TRPM1: variants seen among roughly 807,000 people sequenced by gnomAD.
The protein encoded by TRPM1 is transient receptor potential cation channel subfamily M member 1.
A neutral mutation model predicts 149.4 loss-of-function variants in TRPM1; 113 were observed. The ratio of observed to expected loss-of-function variants is 0.76; its 90% CI spans 0.65 to 0.88. The LOEUF is 0.88. Among genes scored for constraint, TRPM1 ranks in the 40% least tolerant of loss-of-function variants. TRPM1 has a pLI of 0.00. For synonymous variants in TRPM1, 741 were observed against 759.5 expected, an observed-to-expected ratio of 0.98 and a Z score of 0.40; for missense variants, 1,976 against 2,038.7, an observed-to-expected ratio of 0.97 and a Z score of 0.59.
chr15:31,114,393 C>A (rs1445628359), intron 1 of TRPM1, among the ~76,000 whole-genome samples: 1 of 152,106 alleles, frequency 6.6e-6, no homozygotes, highest in Non-Finnish European at 1.5e-5. Context: ...TGTATATGTA[C>A]CACATGTTTT....
intron 1 of TRPM1, among the ~76,000 whole-genome samples, chr15:31,113,686 A>G (rs775544513): frequency 6.6e-6 from 1 of 152,182 alleles, no homozygotes; most frequent in Non-Finnish European, 1.5e-5. Context: ...TTTTAAGACT[A>G]CTGTGCCCAT....
intron 11 of TRPM1, among the ~76,000 whole-genome samples, chr15:31,050,848 G>A (rs1175130294): frequency 1.3e-5 from 2 of 152,172 alleles, no homozygotes; most frequent in East Asian, 1.9e-4. Flanking sequence ...ACTGTTACTC[G>A]TGTGCACAAA....
chr15:31,042,057 T>C lies in TRPM1; in HGVS notation c.1981A>G (p.Met661Val), dbSNP rs1338421671. Residue 661 changes from methionine (M) to valine (V), a missense_variant, in exon 17 of 28, where the codon ATG (methionine) becomes GTG (valine). By Grantham distance (21) the Met-to-Val change is conservative (BLOSUM62 1). Around this residue, in one of 3 missense-constraint regions of TRPM1, gnomAD observed 1,332 missense variants for 1,347.1 expected, o/e 0.99. Coordinates refer to ENST00000256552, the MANE Select transcript of TRPM1 (RefSeq NM_001252024.2). Reference sequence around the variant, plus strand: ...TTGCAGGCCACCAGGGCCTTGGCCATGCTCTCTTCCCCTCGCTGCCAGAGG... The same window carrying C: ...TTGCAGGCCACCAGGGCCTTGGCCACGCTCTCTTCCCCTCGCTGCCAGAGG... ...VFLWQRGEESMAKALVACKLY... is the reference protein window; with the variant it reads ...VFLWQRGEESVAKALVACKLY... 1.2e-6 allele frequency: 2 copies of C among 1,614,004 alleles called. No homozygotes were observed. Among genetic ancestry groups the C allele is most frequent in the Non-Finnish European group, 1.7e-6 (2 of 1,179,962 alleles).
At chr15:31,036,269 TAAG>T (rs556358487) in intron 20 of TRPM1, among the ~76,000 whole-genome samples, 1 of 151,946 alleles carries the variant, frequency 6.6e-6, no homozygotes, top group South Asian at 2.1e-4. Context: ...AGCGGGGAGT[TAAG>T]GGGTTGGGGG....
chr15:31,094,582 A>G (rs2035327756), intron 1 of TRPM1, among the ~76,000 whole-genome samples: 1 of 152,260 alleles, frequency 6.6e-6, no homozygotes, highest in African/African-American at 2.4e-5. Flanking sequence ...TCCAATGAAG[A>G]TATACAAATG....
At chr15:31,048,475 A>G (rs1265842591) in intron 13 of TRPM1, among the ~76,000 whole-genome samples, 1 of 152,134 alleles carries the variant, frequency 6.6e-6, no homozygotes, top group African/African-American at 2.4e-5. Context: ...TTAAAAGAGT[A>G]TCTTAAGGTG....
At chr15:31,113,884 G>C (rs1262897007) in intron 1 of TRPM1, among the ~76,000 whole-genome samples, 1 of 152,178 alleles carries the variant, frequency 6.6e-6, no homozygotes, top group East Asian at 1.9e-4. Flanking sequence ...CGAGCAAATT[G>C]ACTTTGCTGG....
At chr15:31,012,165 A>C (rs1447474303) in intron 27 of TRPM1, among the ~76,000 whole-genome samples, 1 of 152,220 alleles carries the variant, frequency 6.6e-6, no homozygotes, top group African/African-American at 2.4e-5. Context: ...AAATACATTT[A>C]TAATGCCTTT....
chr15:31,025,561 G>T (rs1164157841), intron 27 of TRPM1, among the ~76,000 whole-genome samples: 1 of 152,198 alleles, frequency 6.6e-6, no homozygotes, highest in Non-Finnish European at 1.5e-5. Context: ...GGGTACTGCG[G>T]ATGTGAAGGT....
chr15:31,113,272 A>C (rs1013852708), intron 1 of TRPM1, among the ~76,000 whole-genome samples: 52 of 152,300 alleles, frequency 3.4e-4, no homozygotes, highest in African/African-American at 1.2e-3. Flanking sequence ...AGGACCCCTG[A>C]TTCTGCCTGC....
At chr15:31,128,479 A>G (rs987772913) in intron 1 of TRPM1, among the ~76,000 whole-genome samples, 2 of 152,176 alleles carry the variant, frequency 1.3e-5, no homozygotes, top group African/African-American at 4.8e-5. Flanking sequence ...TGCACACCCC[A>G]TATCGCCAGG....
chr15:31,057,109 G>T (rs145474067), intron 11 of TRPM1, among the ~76,000 whole-genome samples: 35 of 152,302 alleles, frequency 2.3e-4, no homozygotes, highest in South Asian at 1.0e-3. Flanking sequence ...GGCATTGAGA[G>T]CATCCAGGGA....
In TRPM1 at chr15:31,001,843, A is replaced by G. The variant is rs766309006; in HGVS notation, c.4857T>C (p.Ala1619=). ...CAGACTAGCATTCAGTTTCTGTGGA[A>G]GCTTTCTCTTTCTTAACCTTTTTTT... The part of the protein sequence containing the change: ...AEEKKVKKEK[A]STETEC Residue 1619 remains alanine (A), a synonymous_variant, in exon 28 of 28, where the codon GCT becomes GCC. Transcript: ENST00000256552. 1.2e-6 allele frequency: 2 copies of G among 1,611,954 alleles called. No homozygotes were observed. Among genetic ancestry groups the G allele is most frequent in the Non-Finnish European group, 1.7e-6 (2 of 1,179,822 alleles).
At chr15:31,154,758 T>A (rs1437374792) in intron 1 of TRPM1, among the ~76,000 whole-genome samples, 3 of 152,118 alleles carry the variant, frequency 2.0e-5, no homozygotes, top group Admixed American at 6.5e-5. Flanking sequence ...GTGCTTGAGA[T>A]ATTTTGCAGA....
chr15:31,063,387 T>C, intron 7 of TRPM1, 95 bp from the exon 8 acceptor site: 2 of 1,489,124 alleles, frequency 1.3e-6, no homozygotes, highest in Non-Finnish European at 1.9e-6. Flanking sequence ...GTAAAAACAT[T>C]ACGACTTGGG....
chr15:31,073,195 G>T (rs1037446541), intron 3 of TRPM1, among the ~76,000 whole-genome samples: 1 of 152,094 alleles, frequency 6.6e-6, no homozygotes, highest in Non-Finnish European at 1.5e-5. Flanking sequence ...ATGAGGTAAG[G>T]GTCCAAGACT....
chr15:31,077,196 C>A (rs1184534022), intron 2 of TRPM1, among the ~76,000 whole-genome samples: 1 of 152,142 alleles, frequency 6.6e-6, no homozygotes, highest in African/African-American at 2.4e-5. Flanking sequence ...TCATTTTGCA[C>A]CTTAATTCAT....
chr15:31,022,950 A>G (rs1209860242), intron 27 of TRPM1, among the ~76,000 whole-genome samples: 1 of 152,220 alleles, frequency 6.6e-6, no homozygotes, highest in African/African-American at 2.4e-5. Flanking sequence ...TGAGTCCAGG[A>G]GGTTGAGGCT....
At chr15:31,035,434 C>G in intron 21 of TRPM1, 112 bp downstream of exon 21, 3 of 1,484,062 alleles carry the variant, frequency 2.0e-6, no homozygotes, top group Non-Finnish European at 2.8e-6. Context: ...GCATGAGCCA[C>G]CACGCCTGGC....
Sources: allele counts gnomAD v4.1 joint callset (sites outside exome capture counted in the v4.1 genomes callset), GRCh38; gene constraint gnomAD v4.1.1; regional missense constraint gnomAD v4.1.1; transcripts MANE v1.5; gene names NCBI Gene and HGNC (gene_info 2026-07-23, HGNC 2026-07-21).